DIAPH2: variants seen among roughly 807,000 people sequenced by gnomAD.
DIAPH2 encodes diaphanous related formin 2, also known as protein diaphanous homolog 2.
DIAPH2 carries 35 observed loss-of-function variants against 92.7 expected under a neutral mutation model. That is an observed-to-expected ratio of 0.38 (90% CI 0.29 to 0.50). The LOEUF (loss-of-function observed/expected upper bound fraction) is 0.50, where lower values mean the gene tolerates loss of function less well. Ranked by LOEUF, DIAPH2 falls within the 20% of genes least tolerant of loss-of-function variation. The probability of loss-of-function intolerance (pLI) is 0.94; values close to 1 mark genes in which losing one functional copy is unlikely to be tolerated. For synonymous variants in DIAPH2, 301 were observed against 280.4 expected (o/e 1.07, Z -0.73); for missense variants, 701 against 819.5 (o/e 0.86, Z 1.77).
At chrX:97,357,615 A>G (rs964110510) in intron 24 of DIAPH2, among the ~76,000 whole-genome samples, 1 of 110,703 alleles carries the variant, frequency 9.0e-6, no homozygotes, top group Admixed American at 9.7e-5. Context: ...TTATCTCCAT[A>G]CCCTCGTGAT....
chrX:97,081,465 T>G (rs1237180459), intron 19 of DIAPH2, among the ~76,000 whole-genome samples: 2 of 112,326 alleles, frequency 1.8e-5, no homozygotes, highest in Non-Finnish European at 3.8e-5. Context: ...AAAGGTAGCT[T>G]TAAACAATTA....
intron 3 of DIAPH2, among the ~76,000 whole-genome samples, chrX:96,754,387 A>T (rs1017697198): frequency 8.9e-6 from 1 of 112,205 alleles, no homozygotes; most frequent in African/African-American, 3.2e-5. Context: ...ATGTAATTTG[A>T]GTATAAAAAC....
In DIAPH2 at chrX:97,141,660, C is replaced by T. The variant is rs363755; in HGVS notation, c.2590-5C>T. On this transcript the variant is annotated splice_polypyrimidine_tract_variant and splice_region_variant and intron_variant, in intron 21 of 26. Transcript: ENST00000324765. ...ACTAAAAAATGTGTTGTTGTTTTCT[C>T]CCAGATCAGAGATACTAAATCAGCG... 50,638 of 1,182,088 alleles carry T rather than the reference C, an allele frequency of 0.043. 827 individuals are homozygous for T. The highest frequency in any genetic ancestry group is 0.046 in the Non-Finnish European group (40,400 of 885,267).
intron 23 of DIAPH2, among the ~76,000 whole-genome samples, chrX:97,315,606 AAG>A (rs2068833669): frequency 9.0e-6 from 1 of 110,854 alleles, no homozygotes; most frequent in Admixed American, 9.7e-5. Context: ...TGTGAAAAGA[AAG>A]TGTTCTTTTT....
rs1162694215 is a variant in DIAPH2 at position 96,718,200 on chromosome X, G to A, written c.133-17558G>A. The stretch of plus-strand genomic sequence containing the variant: ...CCACAAATAAGTGAAAACATGCAAC[G>A]TTTGCCTTTCTGTGCCTGGCTTTTT... On this transcript the variant is annotated intron_variant, in intron 1 of 26. Transcript: ENST00000324765. Among the ~76,000 whole-genome samples, 4 of 106,802 alleles carry A rather than the reference G, an allele frequency of 3.7e-5. No individual in the cohort carries two copies. The East Asian group carries it at 8.8e-4, about 24-fold the overall frequency. 92.7% of individuals were successfully genotyped at this position (106,802 alleles called of 115,157 possible). A position where few individuals can be genotyped will look rare whatever the true frequency, so the allele number is the denominator to read the frequency against.
intron 26 of DIAPH2, among the ~76,000 whole-genome samples, chrX:97,542,282 T>G (rs5966756): frequency 0.014 from 1,518 of 111,850 alleles, 21 homozygotes; most frequent in African/African-American, 0.042. Flanking sequence ...TTTTTCAGGC[T>G]CCAAGTTGAG....
chrX:97,551,026 T>C (rs2071215260), intron 26 of DIAPH2, among the ~76,000 whole-genome samples: 1 of 86,437 alleles, frequency 1.2e-5, no homozygotes, highest in African/African-American at 4.1e-5. Flanking sequence ...CTTAAGTATG[T>C]TTTTAAAAAG....
At chrX:97,201,886 T>G (rs2067753934) in intron 22 of DIAPH2, among the ~76,000 whole-genome samples, 1 of 110,622 alleles carries the variant, frequency 9.0e-6, no homozygotes, top group Non-Finnish European at 1.9e-5. Context: ...AAGGTTGAAA[T>G]GAAAGAAAAA....
intron 1 of DIAPH2, among the ~76,000 whole-genome samples, chrX:96,726,887 G>T (rs1032510006): frequency 1.8e-5 from 2 of 111,939 alleles, no homozygotes; most frequent in African/African-American, 3.2e-5. Flanking sequence ...TCAGTAAATG[G>T]TAGCTATTAG....
intron 8 of DIAPH2, 43 bp downstream of exon 8, chrX:96,916,617 CACTT>C (rs754924767): frequency 3.5e-6 from 4 of 1,129,509 alleles, no homozygotes; most frequent in South Asian, 4.1e-5. Context: ...TGGAAAATGA[CACTT>C]AAGAAATTAA....
chrX:97,324,137 CTA>C (rs1413618323), intron 23 of DIAPH2, among the ~76,000 whole-genome samples: 1 of 111,510 alleles, frequency 9.0e-6, no homozygotes, highest in Non-Finnish European at 1.9e-5. Flanking sequence ...GTGATATTTT[CTA>C]TGATATTCCC....
chrX:97,443,036 G>A (rs2147788049), intron 26 of DIAPH2, among the ~76,000 whole-genome samples: 1 of 109,759 alleles, frequency 9.1e-6, no homozygotes, highest in Non-Finnish European at 1.9e-5. Flanking sequence ...CCGAGTAGCT[G>A]GAACTATAGG....
rs1447774978 is a variant in DIAPH2, at chrX:96,962,470, TATATATATACACACACACACACACAC to T, written c.1936-2613_1936-2588del. Among the ~76,000 whole-genome samples, 188 of 26,971 alleles carry T rather than the reference TATATATATACACACACACACACACAC, an allele frequency of 7.0e-3. 10 individuals carry two copies. The highest frequency in any genetic ancestry group is 9.0e-3 in the African/African-American group (85 of 9,451). 23.4% of individuals were successfully genotyped at this position (26,971 alleles called of 115,157 possible). On this transcript the variant is annotated intron_variant, in intron 16 of 26. Transcript: ENST00000324765. ...ATATACACACACATATATATATACATATATATATACACACACACACACACACATATATATATATATATATATATATA... is the reference window on the plus strand; with the variant it reads ...ATATACACACACATATATATATACATATATATATATATATATATATATATA...
At chrX:96,788,740 A>T (rs1386864137) in intron 4 of DIAPH2, among the ~76,000 whole-genome samples, 2 of 111,823 alleles carry the variant, frequency 1.8e-5, no homozygotes, top group Non-Finnish European at 3.8e-5. Context: ...TATACAAAGG[A>T]TGCGTTTAAT....
At chrX:97,034,349 T>C (rs191910475) in intron 17 of DIAPH2, among the ~76,000 whole-genome samples, 289 of 110,975 alleles carry the variant, frequency 2.6e-3, no homozygotes, top group African/African-American at 8.9e-3. Flanking sequence ...GTATGTATGA[T>C]ATAGAGTGAT....
intron 23 of DIAPH2, among the ~76,000 whole-genome samples, chrX:97,269,145 G>T (rs1438914846): frequency 8.9e-6 from 1 of 111,923 alleles, no homozygotes; most frequent in Admixed American, 9.5e-5. Context: ...GTGAGCCACC[G>T]TGCCCGGCCT....
chrX:97,042,580 ACATGTGTATG>A (rs1473431099), intron 17 of DIAPH2, among the ~76,000 whole-genome samples: 47 of 112,171 alleles, frequency 4.2e-4, no homozygotes, highest in African/African-American at 1.4e-3. Flanking sequence ...ATGTGTGTAT[ACATGTGTATG>A]CATATCAGAA....
intron 19 of DIAPH2, among the ~76,000 whole-genome samples, chrX:97,093,085 G>A (rs2066838120): frequency 9.2e-6 from 1 of 109,156 alleles, no homozygotes; most frequent in South Asian, 4.1e-4. Flanking sequence ...CTGCTCGGGA[G>A]GCTGAGTTGG....
chrX:97,275,311 G>C (rs774993003), intron 23 of DIAPH2, among the ~76,000 whole-genome samples: 1 of 22,837 alleles, frequency 4.4e-5, no homozygotes, highest in Non-Finnish European at 7.9e-5. Context: ...CGGCTGGCCC[G>C]GCGGGGGCTG....
Sources: gnomAD v4.1 joint callset for allele counts (sites outside exome capture counted in the v4.1 genomes callset) on GRCh38, gnomAD v4.1.1 for gene constraint, MANE v1.5 for transcripts, NCBI Gene and HGNC (gene_info 2026-07-23, HGNC 2026-07-21) for gene names.